SLC41A3: variants seen among roughly 807,000 people sequenced by gnomAD.
SLC41A3 encodes SLC41A1-like 2.
Under a neutral mutation model 45.4 loss-of-function variants are expected in SLC41A3, and 44 were observed. The observed-to-expected ratio is 0.97, with a 90% CI of 0.76 to 1.25. The LOEUF is 1.25. SLC41A3 is among the 50% of genes most tolerant of loss of function. The pLI is 0.00. For missense variants in SLC41A3, 550 were observed against 600.6 expected, an observed-to-expected ratio of 0.92 and a Z score of 0.88; for synonymous variants, 256 against 252.4, an observed-to-expected ratio of 1.01 and a Z score of -0.13.
chr3:126,094,394 A>G (rs1245774516), intron 1 of SLC41A3, among the ~76,000 whole-genome samples: 1 of 152,254 alleles, frequency 6.6e-6, no homozygotes, highest in Non-Finnish European at 1.5e-5. Flanking sequence ...GAGGCTTTAG[A>G]GAAATTAGTT....
chr3:126,035,399 T>C (rs1388006397), intron 3 of SLC41A3, among the ~76,000 whole-genome samples: 1 of 152,090 alleles, frequency 6.6e-6, no homozygotes, highest in Non-Finnish European at 1.5e-5. Flanking sequence ...GGAAGCAGCA[T>C]GCCAGCCAGG....
intron 2 of SLC41A3, among the ~76,000 whole-genome samples, chr3:126,052,527 A>T (rs72979478): frequency 0.098 from 14,881 of 152,152 alleles, 1,301 homozygotes; most frequent in African/African-American, 0.23. Flanking sequence ...ACCTCTGAAC[A>T]AGTGCCTGTT....
At chr3:126,030,589 A>G (rs1941725470) in intron 4 of SLC41A3, among the ~76,000 whole-genome samples, 1 of 152,140 alleles carries the variant, frequency 6.6e-6, no homozygotes, top group Admixed American at 6.5e-5. Flanking sequence ...GGCACTCTGC[A>G]GGTACTTATA....
At chr3:126,043,378 C>T (rs948412245) in intron 3 of SLC41A3, among the ~76,000 whole-genome samples, 1 of 151,966 alleles carries the variant, frequency 6.6e-6, no homozygotes, top group Non-Finnish European at 1.5e-5. Context: ...TAGATCTGCC[C>T]TACAAGAAAT....
Position 126,022,943 on chromosome 3 carries a change from A to G in SLC41A3, c.599-11T>C. On this transcript the variant is annotated splice_polypyrimidine_tract_variant and intron_variant, in intron 5 of 10. Coordinates refer to ENST00000360370, the MANE Select transcript of SLC41A3 (RefSeq NM_017836.4). ...AGACCATCAGCACCCCTGCAGAGAG[A>G]GAGAGGAGAAACAGCAGACTCAAAT... 6.2e-7 allele frequency: 1 copy of G among 1,613,820 alleles called. No individual in the cohort carries two copies. The highest frequency in any genetic ancestry group is 8.5e-7 in the Non-Finnish European group (1 of 1,179,816).
At chr3:126,085,679 T>C (rs1945365097), upstream of SLC41A3, among the ~76,000 whole-genome samples, 1 of 152,232 alleles carries the variant, frequency 6.6e-6, no homozygotes, top group South Asian at 2.1e-4. Context: ...TGATTCGGCT[T>C]GTCTGCGCAT....
intron 2 of SLC41A3, among the ~76,000 whole-genome samples, chr3:126,060,908 C>A (rs759535826): frequency 6.6e-6 from 1 of 152,184 alleles, no homozygotes; most frequent in African/African-American, 2.4e-5. Context: ...ATCAGGGGCA[C>A]CAGGACCACC....
intron 2 of SLC41A3, chr3:126,056,324 C>T (rs758683765): frequency 6.2e-6 from 10 of 1,603,554 alleles, no homozygotes; most frequent in Non-Finnish European, 8.5e-6. Context: ...CTGTGTGTCT[C>T]CCACCCCTGA....
chr3:126,041,709 CTCAA>C (rs1384834070), intron 3 of SLC41A3, among the ~76,000 whole-genome samples: 1 of 152,210 alleles, frequency 6.6e-6, no homozygotes, highest in Non-Finnish European at 1.5e-5. Context: ...AGAGGATGTA[CTCAA>C]TCAAAACAAA....
At chr3:126,013,972 G>A (rs1939996887) in intron 8 of SLC41A3, among the ~76,000 whole-genome samples, 1 of 152,210 alleles carries the variant, frequency 6.6e-6, no homozygotes, top group Admixed American at 6.5e-5. Flanking sequence ...GGATCCCACA[G>A]GGTATGAAAA....
intron 1 of SLC41A3, among the ~76,000 whole-genome samples, chr3:126,090,619 A>G (rs1559899802): frequency 3.9e-5 from 6 of 152,326 alleles, no homozygotes; most frequent in South Asian, 2.1e-4. Flanking sequence ...TTGTCAAACT[A>G]TAAATGTTAT....
chr3:126,078,650 T>C (rs1172004046), intron 1 of SLC41A3, among the ~76,000 whole-genome samples: 1 of 152,286 alleles, frequency 6.6e-6, no homozygotes, highest in East Asian at 1.9e-4. Flanking sequence ...CTTACGGGAC[T>C]GTGGGAAGGC....
At chr3:126,015,811 C>A (rs1380044743) in intron 7 of SLC41A3, among the ~76,000 whole-genome samples, 1 of 152,224 alleles carries the variant, frequency 6.6e-6, no homozygotes, top group East Asian at 1.9e-4. Context: ...TCCGAGAACA[C>A]CCACTTATTG....
rs369177870 is a variant in SLC41A3 at position 126,055,801 on chromosome 3, G to A, written c.274-4751C>T. Among the ~76,000 whole-genome samples the A allele has an allele frequency of 1.7e-3, 255 of 152,248 alleles. 1 individual carries two copies. The Middle Eastern group carries it at 0.02, about 12-fold the overall frequency. On this transcript the variant is annotated intron_variant, in intron 2 of 10. Coordinates refer to ENST00000360370, the MANE Select transcript of SLC41A3 (RefSeq NM_017836.4). ...CCTCAGCACACGCCTCCACTGCAGG[G>A]AGACCGCCATGGCCCTCCCACCTGC...
At chr3:126,020,128 T>C (rs983597355) in intron 6 of SLC41A3, among the ~76,000 whole-genome samples, 14 of 152,270 alleles carry the variant, frequency 9.2e-5, no homozygotes, top group Middle Eastern at 3.4e-3. Context: ...GACTTGTACC[T>C]TCTGGAGCGG....
At position 126,071,693 on chromosome 3, in the gene SLC41A3, C is replaced by T. The variant is rs967414650; in HGVS notation, c.-27-3447G>A. On this transcript the variant is annotated intron_variant, in intron 1 of 10. Transcript: ENST00000360370. ...ACTGAAATCATACAAAATATGTTTT[C>T]CAACCACAACAAAATAAAATTAGAA... Among the ~76,000 whole-genome samples the T allele has an allele frequency of 5.9e-5, 9 of 151,904 alleles. 1 individual carries two copies. The highest frequency in any genetic ancestry group is 5.2e-4 in the Admixed American group (8 of 15,260).
chr3:126,085,686 G>C (rs941066310), upstream of SLC41A3, among the ~76,000 whole-genome samples: 6 of 152,074 alleles, frequency 3.9e-5, no homozygotes, highest in Admixed American at 3.9e-4. Context: ...GCTTGTCTGC[G>C]CATTTGTGTG....
chr3:126,029,778 A>G (rs1941661065), intron 4 of SLC41A3, among the ~76,000 whole-genome samples: 1 of 152,212 alleles, frequency 6.6e-6, no homozygotes, highest in Non-Finnish European at 1.5e-5. Flanking sequence ...TGGCATACTC[A>G]TGATCAAAGT....
At chr3:126,064,389 A>G (rs7632595) in intron 2 of SLC41A3, among the ~76,000 whole-genome samples, 99,456 of 151,708 alleles carry the variant, frequency 0.66, 32,846 homozygotes, top group Middle Eastern at 0.72. Context: ...TCTTGTTATG[A>G]CAAATCTTGC....
Sources: allele counts gnomAD v4.1 joint callset (sites outside exome capture counted in the v4.1 genomes callset), GRCh38; gene constraint gnomAD v4.1.1; transcripts MANE v1.5; gene names NCBI Gene and HGNC (gene_info 2026-07-23, HGNC 2026-07-21).